CARMIL1: variants seen among roughly 807,000 people sequenced by gnomAD.
CARMIL1 encodes capping protein regulator and myosin 1 linker 1, also known as F-actin-uncapping protein LRRC16A.
A neutral mutation model predicts 177.1 loss-of-function variants in CARMIL1; 90 were observed. The ratio of observed to expected loss-of-function variants is 0.51; its 90% confidence interval spans 0.43 to 0.61. CARMIL1 has a LOEUF of 0.61. CARMIL1 is among the 20% of genes least tolerant of loss of function. The probability of loss-of-function intolerance (pLI) is 0.00; values close to 1 mark genes in which losing one functional copy is unlikely to be tolerated. For synonymous variants in CARMIL1, 577 were observed against 606.2 expected (o/e 0.95, Z 0.71); for missense variants, 1,380 against 1,667.0 (o/e 0.83, Z 3.00).
chr6:25,526,422 AT>A (rs1437120960), intron 23 of CARMIL1, among the ~76,000 whole-genome samples: 2 of 151,360 alleles, frequency 1.3e-5, no homozygotes, highest in Non-Finnish European at 2.9e-5. Flanking sequence ...TAATAAAAAA[AT>A]AGGTGACTTT....
intron 2 of CARMIL1, among the ~76,000 whole-genome samples, chr6:25,383,896 T>C (rs897746394): frequency 3.9e-5 from 6 of 152,186 alleles, no homozygotes; most frequent in Non-Finnish European, 7.3e-5. Context: ...TAGAGTGCAG[T>C]GGTGTGATCT....
intron 2 of CARMIL1, among the ~76,000 whole-genome samples, chr6:25,373,034 TA>T (rs1790578277): frequency 6.6e-6 from 1 of 152,246 alleles, no homozygotes; most frequent in Non-Finnish European, 1.5e-5. Flanking sequence ...AAATTCTGTT[TA>T]TATGATGTTT....
At chr6:25,549,686 T>C (rs1030631300) in intron 26 of CARMIL1, among the ~76,000 whole-genome samples, 2 of 152,318 alleles carry the variant, frequency 1.3e-5, no homozygotes, top group South Asian at 2.1e-4. Context: ...TGGTGGATTG[T>C]GCTTTGCATT....
chr6:25,490,135 G>A (rs1332654711), intron 13 of CARMIL1, among the ~76,000 whole-genome samples: 1 of 152,148 alleles, frequency 6.6e-6, no homozygotes, highest in East Asian at 1.9e-4. Flanking sequence ...AGTTCCAGGA[G>A]CCTGGCGGCA....
At chr6:25,485,920 C>T (rs1258239530) in intron 12 of CARMIL1, among the ~76,000 whole-genome samples, 1 of 149,196 alleles carries the variant, frequency 6.7e-6, no homozygotes, top group Non-Finnish European at 1.5e-5. Context: ...ATTCATGGCT[C>T]GATAACGCAA....
intron 20 of CARMIL1, among the ~76,000 whole-genome samples, chr6:25,511,362 T>C (rs960386633): frequency 7.9e-5 from 12 of 152,186 alleles, no homozygotes; most frequent in Non-Finnish European, 1.8e-4. Context: ...AAAGTTATTT[T>C]ATGGACAAAA....
intron 27 of CARMIL1, among the ~76,000 whole-genome samples, chr6:25,553,265 A>G (rs1810296138): frequency 6.6e-6 from 1 of 152,214 alleles, no homozygotes; most frequent in South Asian, 2.1e-4. Flanking sequence ...ACATATATCC[A>G]TTAAGATATT....
Position 25,417,393 on chromosome 6 carries a change from G to A in CARMIL1, c.139-2721G>A, listed in dbSNP as rs9379766. On this transcript the variant is annotated intron_variant, in intron 2 of 36. Coordinates refer to ENST00000329474, the MANE Select transcript of CARMIL1 (RefSeq NM_017640.6). Reference sequence around the variant, plus strand: ...AATGATCTCCTGCCCTTTTGCAAAAGGCCTGCAAACTCTTAATTCCCTGAG... The same window carrying A: ...AATGATCTCCTGCCCTTTTGCAAAAAGCCTGCAAACTCTTAATTCCCTGAG... Among the ~76,000 whole-genome samples, 25 of 152,264 alleles carry A rather than the reference G, an allele frequency of 1.6e-4. No individual in the cohort carries two copies. The East Asian group carries it at 4.8e-3, about 29-fold the overall frequency.
chr6:25,381,189 C>T (rs1791492592), intron 2 of CARMIL1, among the ~76,000 whole-genome samples: 1 of 152,166 alleles, frequency 6.6e-6, no homozygotes, highest in African/African-American at 2.4e-5. Context: ...CAAGCACCAC[C>T]AAATTGCAGA....
chr6:25,286,137 T>A (rs940583266), intron 2 of CARMIL1, among the ~76,000 whole-genome samples: 1 of 152,230 alleles, frequency 6.6e-6, no homozygotes, highest in Non-Finnish European at 1.5e-5. Context: ...CCTCCCGAAG[T>A]GCTGGGATTA....
chr6:25,315,185 A>G (rs1341756995), intron 2 of CARMIL1, among the ~76,000 whole-genome samples: 1 of 152,190 alleles, frequency 6.6e-6, no homozygotes, highest in Non-Finnish European at 1.5e-5. Flanking sequence ...ATGAGGCTCT[A>G]TGTCTTAGAT....
intron 8 of CARMIL1, among the ~76,000 whole-genome samples, chr6:25,456,966 T>C (rs1359575033): frequency 6.6e-5 from 10 of 151,392 alleles, no homozygotes; most frequent in Admixed American, 6.6e-4. Flanking sequence ...TGTCATTTTT[T>C]CCTAATCAAA....
At chr6:25,550,865 G>A (rs1168626021) in intron 26 of CARMIL1, 45 bp from the exon 27 acceptor site, 8 of 1,550,292 alleles carry the variant, frequency 5.2e-6, no homozygotes, top group Non-Finnish European at 1.8e-6. Flanking sequence ...GGGCACCTCG[G>A]GTGCAGTGTC....
intron 27 of CARMIL1, 41 bp downstream of exon 27, chr6:25,551,126 T>A: frequency 6.6e-7 from 1 of 1,520,092 alleles, no homozygotes; most frequent in Non-Finnish European, 9.1e-7. Flanking sequence ...CTGCAGTTTC[T>A]GTAAATGCAG....
At chr6:25,329,752 G>T (rs1367105258) in intron 2 of CARMIL1, among the ~76,000 whole-genome samples, 1 of 152,164 alleles carries the variant, frequency 6.6e-6, no homozygotes, top group African/African-American at 2.4e-5. Flanking sequence ...GATACTCAAA[G>T]TATCTCAGCT....
intron 17 of CARMIL1, among the ~76,000 whole-genome samples, chr6:25,507,725 A>G (rs1321024419): frequency 6.6e-6 from 1 of 150,988 alleles, no homozygotes; most frequent in Non-Finnish European, 1.5e-5. Context: ...CTCAACAAGT[A>G]AATCACTATC....
intron 2 of CARMIL1, among the ~76,000 whole-genome samples, chr6:25,311,467 G>A (rs7758529): frequency 0.21 from 31,548 of 151,908 alleles, 4,215 homozygotes; most frequent in East Asian, 0.4. Flanking sequence ...GAGCCAGTTA[G>A]CTCCATAAAA....
intron 2 of CARMIL1, among the ~76,000 whole-genome samples, chr6:25,334,257 G>A (rs1785988526): frequency 6.6e-6 from 1 of 152,192 alleles, no homozygotes; most frequent in African/African-American, 2.4e-5. Context: ...GACACACAGA[G>A]TACCTTGGTT....
At chr6:25,388,988 T>C (rs1792471131) in intron 2 of CARMIL1, 1 of 152,234 alleles carries the variant, frequency 6.6e-6, no homozygotes, top group Non-Finnish European at 1.5e-5. Flanking sequence ...TGGCCTCTAC[T>C]TAACAGGCAC....
Sources: gnomAD v4.1 joint callset for allele counts (sites outside exome capture counted in the v4.1 genomes callset) on GRCh38, gnomAD v4.1.1 for gene constraint, MANE v1.5 for transcripts, NCBI Gene and HGNC (gene_info 2026-07-23, HGNC 2026-07-21) for gene names.